ITFG1: variants seen among roughly 807,000 people sequenced by gnomAD.
ITFG1 encodes T-cell immunomodulatory protein.
Under a neutral mutation model 81.8 loss-of-function variants are expected in ITFG1, and 34 were observed. That is an observed-to-expected ratio of 0.42 (90% CI 0.32 to 0.55). The LOEUF (loss-of-function observed/expected upper bound fraction) is 0.55, where lower values mean the gene tolerates loss of function less well. Ranked by LOEUF, ITFG1 falls within the 20% of genes least tolerant of loss-of-function variation. The pLI is 0.17. For missense variants in ITFG1, 672 were observed against 755.4 expected (o/e 0.89, Z 1.29); for synonymous variants, 285 against 270.6 (o/e 1.05, Z -0.52).
chr16:47,233,461 G>A (rs1242620799), intron 13 of ITFG1, among the ~76,000 whole-genome samples: 2 of 152,188 alleles, frequency 1.3e-5, no homozygotes, highest in African/African-American at 4.8e-5. Flanking sequence ...CACTTTTGTT[G>A]AGTTTTACCT....
chr16:47,338,478 G>A (rs1967738800), intron 8 of ITFG1, among the ~76,000 whole-genome samples: 1 of 151,938 alleles, frequency 6.6e-6, no homozygotes, highest in South Asian at 2.1e-4. Context: ...GATGGGAGTG[G>A]GTGAGAACCT....
Position 47,154,446 on chromosome 16 carries a change from A to G in ITFG1, c.*1273T>C, listed in dbSNP as rs928518205. 6.6e-6 allele frequency: 1 copy of G among 152,256 alleles called. No homozygotes were observed. The highest frequency in any genetic ancestry group is 2.4e-5 in the African/African-American group (1 of 41,464). 9.4% of individuals were successfully genotyped at this position (152,256 alleles called of 1,614,324 possible). A position where few individuals can be genotyped will look rare whatever the true frequency, so the allele number is the denominator to read the frequency against. On this transcript the variant is annotated 3_prime_UTR_variant, in exon 18 of 18. Coordinates refer to ENST00000320640, the MANE Select transcript of ITFG1 (RefSeq NM_030790.5). ...TGTTAACATGCTTAGATACAAAGTA[A>G]AAACACATGCCAATCTCAGTGAACT... is the stretch of plus-strand genomic sequence containing the variant.
chr16:47,457,714 AAATT>A (rs1969471898), intron 2 of ITFG1, among the ~76,000 whole-genome samples: 1 of 152,186 alleles, frequency 6.6e-6, no homozygotes, highest in Non-Finnish European at 1.5e-5. Context: ...ATTAATAAAA[AAATT>A]AATTGGGATA....
chr16:47,272,570 A>T (rs1966354342), intron 10 of ITFG1, among the ~76,000 whole-genome samples: 1 of 151,902 alleles, frequency 6.6e-6, no homozygotes, highest in Non-Finnish European at 1.5e-5. Context: ...TAATTTTTGC[A>T]TTTTTAGTAG....
chr16:47,238,103 G>T (rs1965896488), intron 12 of ITFG1, 95 bp from the exon 13 acceptor site: 7 of 669,536 alleles, frequency 1.0e-5, no homozygotes, highest in Non-Finnish European at 1.8e-5. Context: ...ATACTCTATT[G>T]ATTCATAATC....
intron 6 of ITFG1, among the ~76,000 whole-genome samples, chr16:47,394,004 T>C (rs1378026165): frequency 6.6e-6 from 1 of 152,236 alleles, no homozygotes; most frequent in African/African-American, 2.4e-5. Context: ...TACTTGGATC[T>C]GTATGCTGGA....
intron 9 of ITFG1, chr16:47,312,515 A>C (rs1341417591): frequency 6.6e-6 from 1 of 151,350 alleles, no homozygotes; most frequent in Non-Finnish European, 1.5e-5. Context: ...AGTTTTTTTA[A>C]AAAAAAAGGT....
intron 6 of ITFG1, among the ~76,000 whole-genome samples, chr16:47,422,934 T>C (rs1278368537): frequency 2.0e-5 from 3 of 152,220 alleles, no homozygotes; most frequent in African/African-American, 7.2e-5. Context: ...TAGATGTCTA[T>C]TAGGTCCGCT....
chr16:47,338,656 T>C (rs1967741269), intron 8 of ITFG1, among the ~76,000 whole-genome samples: 1 of 143,460 alleles, frequency 7.0e-6, no homozygotes, highest in South Asian at 2.2e-4. Flanking sequence ...AAAACTTTAC[T>C]TTTTTTTTTT....
intron 5 of ITFG1, among the ~76,000 whole-genome samples, chr16:47,443,241 G>A (rs951556444): frequency 6.6e-6 from 1 of 152,138 alleles, no homozygotes; most frequent in African/African-American, 2.4e-5. Flanking sequence ...TAAAAAGTCA[G>A]GAAACAACAG....
At chr16:47,409,663 C>T (rs568097909) in intron 6 of ITFG1, among the ~76,000 whole-genome samples, 10 of 150,738 alleles carry the variant, frequency 6.6e-5, no homozygotes, top group South Asian at 2.1e-4. Flanking sequence ...GTGATCCACC[C>T]GCCTCGGCCT....
intron 10 of ITFG1, among the ~76,000 whole-genome samples, chr16:47,290,247 T>G (rs923910812): frequency 6.6e-6 from 1 of 152,186 alleles, no homozygotes; most frequent in Non-Finnish European, 1.5e-5. Flanking sequence ...CCATGTGGTC[T>G]TACCCTGGAG....
chr16:47,300,995 T>C (rs1035506482), intron 10 of ITFG1, among the ~76,000 whole-genome samples: 2 of 152,318 alleles, frequency 1.3e-5, no homozygotes. Context: ...CATAAATAAG[T>C]AGACTATATG....
intron 6 of ITFG1, among the ~76,000 whole-genome samples, chr16:47,391,683 A>C (rs1426631497): frequency 6.6e-6 from 1 of 152,188 alleles, no homozygotes; most frequent in Non-Finnish European, 1.5e-5. Flanking sequence ...GCTTCTGAAG[A>C]TCCTTTTTGA....
At chr16:47,184,300 A>C (rs1044006268) in intron 14 of ITFG1, among the ~76,000 whole-genome samples, 4 of 152,186 alleles carry the variant, frequency 2.6e-5, no homozygotes, top group Non-Finnish European at 5.9e-5. Flanking sequence ...ACTCCTCGAG[A>C]AGAGCAACTC....
chr16:47,329,751 A>G (rs1967612244), intron 8 of ITFG1, among the ~76,000 whole-genome samples: 1 of 152,150 alleles, frequency 6.6e-6, no homozygotes, highest in Non-Finnish European at 1.5e-5. Flanking sequence ...GAGAAATGGA[A>G]GTATAAGAGG....
intron 14 of ITFG1, among the ~76,000 whole-genome samples, chr16:47,185,839 T>A (rs1337308242): frequency 6.6e-6 from 1 of 151,578 alleles, no homozygotes; most frequent in Admixed American, 6.6e-5. Context: ...TCTGAAAAGA[T>A]CAACAAAACT....
In ITFG1 at chr16:47,442,039, GACAA is replaced by G. The variant is rs1335819809; in HGVS notation, c.560+9353_560+9356del. Among the ~76,000 whole-genome samples the G allele has an allele frequency of 2.6e-4, 39 of 152,170 alleles. No individual in the cohort carries two copies. The Middle Eastern group carries it at 0.014, about 53-fold the overall frequency. On this transcript the variant is annotated intron_variant, in intron 5 of 17. Transcript: ENST00000320640. Reference sequence around the variant, plus strand: ...CAAGCATTCTTATATACCAAAAACAGACAAACAGAGAGCCAAATCATGAGTGAAC... The same window carrying G: ...CAAGCATTCTTATATACCAAAAACAGACAGAGAGCCAAATCATGAGTGAAC...
At chr16:47,423,025 G>T (rs1007860987) in intron 6 of ITFG1, among the ~76,000 whole-genome samples, 1 of 152,130 alleles carries the variant, frequency 6.6e-6, no homozygotes, top group African/African-American at 2.4e-5. Context: ...ACAGTGGGGT[G>T]TTAAAGTCTC....
Sources: gnomAD v4.1 joint callset for allele counts (sites outside exome capture counted in the v4.1 genomes callset) on GRCh38, gnomAD v4.1.1 for gene constraint, MANE v1.5 for transcripts, NCBI Gene and HGNC (gene_info 2026-07-23, HGNC 2026-07-21) for gene names.